Variants in PFN1 observed in about 807,000 individuals in gnomAD.
PFN1 encodes profilin 1, also known as profilin-1.
A neutral mutation model predicts 11.7 loss-of-function variants in PFN1; 2 were observed. That is an observed-to-expected ratio of 0.17 (90% CI 0.07 to 0.54). The LOEUF (loss-of-function observed/expected upper bound fraction) is 0.54. Ranked by LOEUF, PFN1 falls within the 20% of genes least tolerant of loss-of-function variation. PFN1 has a pLI of 0.94. For synonymous variants in PFN1, 78 were observed against 76.2 expected, an observed-to-expected ratio of 1.02 and a Z score of -0.12; for missense variants, 97 against 188.4, an observed-to-expected ratio of 0.51 and a Z score of 2.84.
chr17:4,946,557 C>T, intron 2 of PFN1, 71 bp downstream of exon 2: 3 of 1,316,816 alleles, frequency 2.3e-6, no homozygotes, highest in East Asian at 2.4e-5. Flanking sequence ...AAAAAAGCAC[C>T]CTCAAGATTA....
At chr17:4,946,041 A>T (rs910410903) in intron 2 of PFN1, 44 bp from the exon 3 acceptor site, 1 of 1,409,326 alleles carries the variant, frequency 7.1e-7, no homozygotes, top group Admixed American at 1.7e-5. Flanking sequence ...TCCAGGTGTC[A>T]CAATTCCACC....
At chr17:4,948,210 C>T in intron 1 of PFN1, 53 bp downstream of exon 1, 1 of 1,509,370 alleles carries the variant, frequency 6.6e-7, no homozygotes, top group Non-Finnish European at 8.9e-7. Flanking sequence ...CCAAGTCCCT[C>T]CCTCAGGGTC....
intron 1 of PFN1, chr17:4,947,163 C>CT (rs1349841369): frequency 7.1e-6 from 1 of 141,274 alleles, no homozygotes; most frequent in East Asian, 2.0e-4. Context: ...GCTCAGAACT[C>CT]TCCTTCAGGA....
Position 4,948,278 on chromosome 17 carries a change from C to T in PFN1, c.117G>A (p.Thr39=). 1 of 1,608,832 alleles carries T rather than the reference C, an allele frequency of 6.2e-7. No homozygotes were observed. Among genetic ancestry groups the T allele is most frequent in the East Asian group, 2.3e-5 (1 of 43,996 alleles). ...CTCGCAGTACCGTGATGTTGACGAACGTTTTCCCGGGGACGGCGGCCCAGA... is the reference window on the plus strand; with the variant it reads ...CTCGCAGTACCGTGATGTTGACGAATGTTTTCCCGGGGACGGCGGCCCAGA... ...PSVWAAVPGK[T]FVNITPAEVG... The change falls in exon 1 of 3, where the codon ACG becomes ACA. Residue 39 remains threonine (T), a synonymous_variant. Coordinates refer to ENST00000225655, the MANE Select transcript of PFN1 (RefSeq NM_005022.4).
intron 2 of PFN1, among the ~76,000 whole-genome samples, chr17:4,946,281 A>C (rs1017360208): frequency 2.0e-5 from 3 of 152,244 alleles, no homozygotes; most frequent in Non-Finnish European, 4.4e-5. Context: ...AGGGCTGTGG[A>C]TGTGCATGCC....
At chr17:4,947,009 A>C in intron 1 of PFN1, 189 bp from the exon 2 acceptor site, 2 of 481,844 alleles carry the variant, frequency 4.2e-6, no homozygotes, top group Admixed American at 4.0e-5. Flanking sequence ...AGTGCAGAAA[A>C]AGATCATGAT....
At chr17:4,946,941 A>T in intron 1 of PFN1, 121 bp from the exon 2 acceptor site, 1 of 747,318 alleles carries the variant, frequency 1.3e-6, no homozygotes, top group Non-Finnish European at 2.2e-6. Flanking sequence ...CTAAGTATAA[A>T]TTATATACTC....
At chr17:4,948,093 G>A (rs554870372) in intron 1 of PFN1, 170 bp downstream of exon 1, 9 of 682,966 alleles carry the variant, frequency 1.3e-5, no homozygotes, top group African/African-American at 1.9e-5. Context: ...TAGGACCTAC[G>A]GGCAACTGAG....
At position 4,945,759 on chromosome 17, in the gene PFN1, C is replaced by T; in HGVS notation, c.*141G>A. 1 of 621,298 alleles carries T rather than the reference C, an allele frequency of 1.6e-6. No individual in the cohort carries two copies. The highest frequency in any genetic ancestry group is 3.0e-6 in the Non-Finnish European group (1 of 333,650). 38.5% of individuals were successfully genotyped at this position (621,298 alleles called of 1,614,324 possible). A position where few individuals can be genotyped will look rare whatever the true frequency, so the allele number is the denominator to read the frequency against. The stretch of plus-strand genomic sequence containing the variant: ...TAGGGGGAGGTGTCTGTCCATCCAG[C>T]CCTGGCCCCCAGCCCATGTGGTTTT... On this transcript the variant is annotated 3_prime_UTR_variant, in exon 3 of 3. Transcript: ENST00000225655.
chr17:4,946,914 C>G (rs1191391583), intron 1 of PFN1, 94 bp from the exon 2 acceptor site: 2 of 1,112,210 alleles, frequency 1.8e-6, no homozygotes, highest in African/African-American at 3.1e-5. Flanking sequence ...CTTCTGAGAA[C>G]CACCCCGCCG....
Position 4,948,348 on chromosome 17 carries a change from G to T in PFN1, c.47C>A (p.Thr16Asn). 1 of 1,610,810 alleles carries T rather than the reference G, an allele frequency of 6.2e-7. No individual in the cohort carries two copies. ...GCCCACGATGGCCGCGTCCTGACAG[G>T]TCCCGTCCGCCATGAGGTTGTCGAT... ...AYIDNLMADG[T>N]CQDAAIVGYK... The change falls in exon 1 of 3, where the codon ACC (threonine) becomes AAC (asparagine). Residue 16 changes from threonine (T) to asparagine (N), a missense_variant. Thr to Asn is a moderately conservative substitution (Grantham distance 65, BLOSUM62 0). Coordinates refer to ENST00000225655, the MANE Select transcript of PFN1 (RefSeq NM_005022.4).
At chr17:4,946,896 G>A in intron 1 of PFN1, 76 bp from the exon 2 acceptor site, 2 of 1,372,340 alleles carry the variant, frequency 1.5e-6, no homozygotes, top group East Asian at 4.6e-5. Context: ...AGACCCACCT[G>A]TCTTCCACTT....
rs1971411527 is a variant in PFN1 at position 4,946,974 on chromosome 17, G to A, written c.133-154C>T. ...CTCAGTACACATCAATGAACTGTGA[G>A]AAACTCTGAGGACTGTGGGACGTTA... On this transcript the variant is annotated intron_variant, in intron 1 of 2. Transcript: ENST00000225655. 7.4e-6 allele frequency: 4 copies of A among 539,276 alleles called. No individual in the cohort carries two copies. In the South Asian group the frequency reaches 1.1e-4, roughly 15 times the overall value. The allele number at this position is 539,276 out of a possible 1,614,324, so 33.4% of individuals were successfully genotyped here. A position where few individuals can be genotyped will look rare whatever the true frequency, so the allele number is the denominator to read the frequency against.
chr17:4,947,493 A>G (rs1280291185), intron 1 of PFN1: 1 of 110,942 alleles, frequency 9.0e-6, no homozygotes, highest in African/African-American at 3.4e-5. Flanking sequence ...TCCCGCCCGG[A>G]AACCCCCTTC....
Position 4,948,504 on chromosome 17 carries a change from C to A in PFN1, c.-110G>T, listed in dbSNP as rs1217185940. ...GCGGAGAGCTCGGGGCACGCGCTGCCGTCCGGACCGCGGCTCCGCTCGCTG... is the reference window on the plus strand; with the variant it reads ...GCGGAGAGCTCGGGGCACGCGCTGCAGTCCGGACCGCGGCTCCGCTCGCTG... On this transcript the variant is annotated 5_prime_UTR_variant, in exon 1 of 3. Coordinates refer to ENST00000225655, the MANE Select transcript of PFN1 (RefSeq NM_005022.4). 2.4e-6 allele frequency: 3 copies of A among 1,251,870 alleles called. No homozygotes were observed. Among genetic ancestry groups the A allele is most frequent in the Non-Finnish European group, 1.0e-6 (1 of 955,992 alleles). The allele number at this position is 1,251,870 out of a possible 1,614,324, so 77.5% of individuals were successfully genotyped here.
Position 4,948,526 on chromosome 17 carries a change from G to A in PFN1, c.-132C>T, listed in dbSNP as rs760016635. ...TGCCGTCCGGACCGCGGCTCCGCTC[G>A]CTGTGCAGCAGCCCTCGCACCGCCA... On this transcript the variant is annotated 5_prime_UTR_variant, in exon 1 of 3. Transcript: ENST00000225655. The A allele has an allele frequency of 1.5e-3, 1,489 of 1,026,474 alleles. 20 individuals are homozygous for A. The highest frequency in any genetic ancestry group is 6.0e-4 in the South Asian group (32 of 53,084). 63.6% of individuals were successfully genotyped at this position (1,026,474 alleles called of 1,614,324 possible).
rs543229238 is a variant in PFN1, at chr17:4,945,687, A to G, written c.*213T>C. The G allele has an allele frequency of 4.2e-6, 2 of 470,942 alleles. No individual in the cohort carries two copies. Among genetic ancestry groups the G allele is most frequent in the South Asian group, 3.5e-5 (1 of 28,472 alleles). The allele number at this position is 470,942 out of a possible 1,614,324, so 29.2% of individuals were successfully genotyped here. A position where few individuals can be genotyped will look rare whatever the true frequency, so the allele number is the denominator to read the frequency against. On this transcript the variant is annotated 3_prime_UTR_variant, in exon 3 of 3. Coordinates refer to ENST00000225655, the MANE Select transcript of PFN1 (RefSeq NM_005022.4). ...AATCTTTTTTATTCAGAAAAAAAAA[A>G]CCCCAAAAAACAAAAGTTTTCCAAC...
At position 4,946,330 on chromosome 17, in the gene PFN1, CGAT is replaced by C. The variant is rs1315644435; in HGVS notation, c.325+295_325+297del. Among the ~76,000 whole-genome samples the C allele has an allele frequency of 2.0e-5, 3 of 152,268 alleles. No individual in the cohort carries two copies. In the East Asian group the frequency reaches 5.8e-4, roughly 29 times the overall value. The stretch of plus-strand genomic sequence containing the variant: ...AACAAAAGAACTCAAACGATGAACT[CGAT>C]GATTCAAGACCCCAACAATCTACCT... On this transcript the variant is annotated intron_variant, in intron 2 of 2. Coordinates refer to ENST00000225655, the MANE Select transcript of PFN1 (RefSeq NM_005022.4).
chr17:4,945,854 G>C lies in PFN1; in HGVS notation c.*46C>G. The C allele has an allele frequency of 1.7e-6, 2 of 1,209,952 alleles. No individual in the cohort carries two copies. The highest frequency in any genetic ancestry group is 2.5e-6 in the Non-Finnish European group (2 of 812,022). 75.0% of individuals were successfully genotyped at this position (1,209,952 alleles called of 1,614,324 possible). ...GTTTGTGTGTGTATGGGGAGGAAAG[G>C]GGTGCAAAGCTGTGGGGAGCGGTGA... On this transcript the variant is annotated 3_prime_UTR_variant, in exon 3 of 3. Coordinates refer to ENST00000225655, the MANE Select transcript of PFN1 (RefSeq NM_005022.4).
Sources: allele counts gnomAD v4.1 joint callset (sites outside exome capture counted in the v4.1 genomes callset), GRCh38; gene constraint gnomAD v4.1.1; transcripts MANE v1.5; gene names NCBI Gene and HGNC (gene_info 2026-07-23, HGNC 2026-07-21).